SLC33A1: variants seen among roughly 807,000 people sequenced by gnomAD.
SLC33A1 encodes the protein acetyl-coenzyme A transporter 1.
Under a neutral mutation model 50.0 loss-of-function variants are expected in SLC33A1, and 20 were observed. The observed-to-expected ratio is 0.40, with a 90% confidence interval of 0.28 to 0.58. SLC33A1 has a LOEUF of 0.58. Ranked by LOEUF, SLC33A1 falls within the 20% of genes least tolerant of loss-of-function variation. The probability of loss-of-function intolerance (pLI) is 0.44; values close to 1 mark genes in which losing one functional copy is unlikely to be tolerated. For missense variants in SLC33A1, 476 were observed against 657.0 expected, an observed-to-expected ratio of 0.72 and a Z score of 3.01; for synonymous variants, 265 against 251.8, an observed-to-expected ratio of 1.05 and a Z score of -0.50.
At position 155,821,768 on chromosome 3, in the gene SLC33A1, ATTT is replaced by A. The variant is rs574504862; in HGVS notation, c.*6439_*6441del. 14,449 of 116,784 alleles carry A rather than the reference ATTT, an allele frequency of 0.12. 1,681 individuals are homozygous for A. Among genetic ancestry groups the A allele is most frequent in the African/African-American group, 0.28 (10,354 of 36,606 alleles). 7.2% of individuals were successfully genotyped at this position (116,784 alleles called of 1,614,324 possible). A position where few individuals can be genotyped will look rare whatever the true frequency, so the allele number is the denominator to read the frequency against. On this transcript the variant is annotated 3_prime_UTR_variant, in exon 6 of 6. Coordinates refer to ENST00000643144, the MANE Select transcript of SLC33A1 (RefSeq NM_004733.4). ...GACGTGAGCCACTGGACCCGGCCGC[ATTT>A]TTTTTTTTTTTTTTTAATTGAGACT...
intron 1 of SLC33A1, among the ~76,000 whole-genome samples, chr3:155,852,823 C>T (rs1412459273): frequency 1.3e-5 from 2 of 152,126 alleles, no homozygotes; most frequent in African/African-American, 4.8e-5. Flanking sequence ...CACTAGAAGG[C>T]TGGATTCTGG....
At position 155,830,588 on chromosome 3, in the gene SLC33A1, T is replaced by A. The variant is rs531684509; in HGVS notation, c.1267-685A>T. ...GAGAGATTAATTCTACCACAAGTAG[T>A]CAAGAAAGACTCCACGGAGAAAATG... is the stretch of plus-strand genomic sequence containing the variant. On this transcript the variant is annotated intron_variant, in intron 4 of 5. Transcript: ENST00000643144. Among the ~76,000 whole-genome samples the A allele has an allele frequency of 7.9e-5, 12 of 151,994 alleles. No individual in the cohort carries two copies. In the South Asian group the frequency reaches 2.5e-3, roughly 32 times the overall value.
intron 2 of SLC33A1, among the ~76,000 whole-genome samples, chr3:155,837,644 G>A (rs1346133776): frequency 6.6e-6 from 1 of 152,122 alleles, no homozygotes; most frequent in Non-Finnish European, 1.5e-5. Flanking sequence ...TGGATAAATT[G>A]TGGCATATCC....
At chr3:155,849,936 T>C (rs1441585596) in intron 1 of SLC33A1, among the ~76,000 whole-genome samples, 1 of 146,990 alleles carries the variant, frequency 6.8e-6, no homozygotes, top group Admixed American at 6.8e-5. Flanking sequence ...ATAATAATAA[T>C]AATAATAATA....
At chr3:155,829,987 C>A in intron 4 of SLC33A1, 84 bp from the exon 5 acceptor site, 1 of 878,312 alleles carries the variant, frequency 1.1e-6, no homozygotes. Flanking sequence ...AAGTCATAAA[C>A]CTGAAATTAA....
Position 155,834,036 on chromosome 3 carries a change from A to G in SLC33A1, c.969T>C (p.Gly323=), listed in dbSNP as rs762118446. 1 of 1,613,164 alleles carries G rather than the reference A, an allele frequency of 6.2e-7. No homozygotes were observed. The highest frequency in any genetic ancestry group is 2.2e-5 in the East Asian group (1 of 44,838). The part of the protein sequence containing the change: ...FCLLILTAKI[G]FSAADAVTGL... The stretch of plus-strand genomic sequence containing the variant: ...CTGTTACAGCATCTGCTGCTGAAAA[A>G]CCAATCTGCAATATAAAAACAAAAA... The change falls in exon 3 of 6, where the codon GGT becomes GGC. Residue 323 remains glycine, a synonymous_variant. Coordinates refer to ENST00000643144, the MANE Select transcript of SLC33A1 (RefSeq NM_004733.4).
Position 155,852,968 on chromosome 3 carries a change from T to G in SLC33A1, c.775+255A>C, listed in dbSNP as rs1753458433. On this transcript the variant is annotated intron_variant, in intron 1 of 5. Coordinates refer to ENST00000643144, the MANE Select transcript of SLC33A1 (RefSeq NM_004733.4). ...GCATTTGTGTATTAAGCAAGTGGCA[T>G]GAATCCCTGGACTCGGTTGTGTTAT... The G allele has an allele frequency of 1.1e-5, 6 of 546,840 alleles. No homozygotes were observed. The East Asian group carries it at 1.9e-4, about 17-fold the overall frequency. The allele number at this position is 546,840 out of a possible 1,614,324, so 33.9% of individuals were successfully genotyped here.
intron 2 of SLC33A1, among the ~76,000 whole-genome samples, chr3:155,835,158 T>A (rs1310260951): frequency 6.6e-6 from 1 of 152,190 alleles, no homozygotes; most frequent in Non-Finnish European, 1.5e-5. Flanking sequence ...TAAAAGTGCA[T>A]AATGTGTACA....
At chr3:155,849,934 A>G (rs986326491) in intron 1 of SLC33A1, among the ~76,000 whole-genome samples, 21 of 147,560 alleles carry the variant, frequency 1.4e-4, no homozygotes, top group African/African-American at 5.2e-4. Context: ...TAATAATAAT[A>G]ATAATAATAA....
At chr3:155,839,298 C>T (rs571716257) in intron 2 of SLC33A1, among the ~76,000 whole-genome samples, 15 of 59,612 alleles carry the variant, frequency 2.5e-4, no homozygotes, top group African/African-American at 9.2e-4. Flanking sequence ...GAAACTCCGC[C>T]TCAAAAAAAA....
intron 2 of SLC33A1, among the ~76,000 whole-genome samples, chr3:155,836,280 C>CAAAAAAAA (rs57460942): frequency 6.6e-4 from 18 of 27,164 alleles, no homozygotes; most frequent in Admixed American, 1.7e-3. Context: ...GAGACTCTGT[C>CAAAAAAAA]AAAAAAAAAA....
chr3:155,830,709 T>C (rs1752393092), intron 4 of SLC33A1, among the ~76,000 whole-genome samples: 1 of 152,088 alleles, frequency 6.6e-6, no homozygotes, highest in Non-Finnish European at 1.5e-5. Context: ...ATATTGCATG[T>C]GTATATATAC....
chr3:155,834,102 C>T, intron 2 of SLC33A1, 61 bp from the exon 3 acceptor site: 2 of 1,385,130 alleles, frequency 1.4e-6, no homozygotes, highest in South Asian at 2.4e-5. Flanking sequence ...TTCCTCCATG[C>T]ATATGTAAGT....
In SLC33A1 at chr3:155,829,485, C is replaced by T. The variant is rs382534; in HGVS notation, c.1482+203G>A. On this transcript the variant is annotated intron_variant, in intron 5 of 5. Coordinates refer to ENST00000643144, the MANE Select transcript of SLC33A1 (RefSeq NM_004733.4). ...AGATCGCCTCTCCTTTACTGAGAAACGCCTTTAAGGGAACTAGTCTTGCTG... is the reference window on the plus strand; with the variant it reads ...AGATCGCCTCTCCTTTACTGAGAAATGCCTTTAAGGGAACTAGTCTTGCTG... Among the ~76,000 whole-genome samples, 31,278 of 151,988 alleles carry T rather than the reference C, an allele frequency of 0.21. 3,773 individuals are homozygous for T. The highest frequency in any genetic ancestry group is 0.4 in the South Asian group (1,949 of 4,814).
Position 155,853,907 on chromosome 3 carries a change from G to A in SLC33A1, c.91C>T (p.Pro31Ser), listed in dbSNP as rs747645212. Residue 31 changes from proline (P) to serine (S), a missense_variant, in exon 1 of 6, where the codon CCG (proline) becomes TCG (serine). Transcript: ENST00000643144. ...TGACTGTCATCCCAACCGCCTGGCGGCAGGGGACCGCTCTTCATATCCAGA... is the reference window on the plus strand; with the variant it reads ...TGACTGTCATCCCAACCGCCTGGCGACAGGGGACCGCTCTTCATATCCAGA... ...HSLDMKSGPLPPGGWDDSHLD... is the reference protein window; with the variant it reads ...HSLDMKSGPLSPGGWDDSHLD... The A allele has an allele frequency of 9.1e-6, 14 of 1,544,452 alleles. No homozygotes were observed. Among genetic ancestry groups the A allele is most frequent in the Non-Finnish European group, 1.2e-5 (14 of 1,149,012 alleles).
intron 2 of SLC33A1, among the ~76,000 whole-genome samples, chr3:155,834,338 G>T (rs910065241): frequency 6.6e-6 from 1 of 151,856 alleles, no homozygotes; most frequent in South Asian, 2.1e-4. Flanking sequence ...TAGTAAACGG[G>T]GTCAAAAATC....
At chr3:155,828,896 G>GTTT (rs11355046) in intron 5 of SLC33A1, among the ~76,000 whole-genome samples, 27 of 128,754 alleles carry the variant, frequency 2.1e-4, no homozygotes, top group Admixed American at 1.6e-4. Context: ...AGCCGAATAT[G>GTTT]TTTTTTTTTT....
chr3:155,830,403 TAAAA>T (rs1277699049), intron 4 of SLC33A1, among the ~76,000 whole-genome samples: 56 of 149,958 alleles, frequency 3.7e-4, no homozygotes, highest in African/African-American at 1.2e-3. Flanking sequence ...AATAAATAAA[TAAAA>T]AAAAAGATCC....
In SLC33A1 at chr3:155,833,578, G is replaced by C; in HGVS notation, c.1156C>G (p.Leu386Val). 1 of 1,550,618 alleles carries C rather than the reference G, an allele frequency of 6.4e-7. No homozygotes were observed. Among genetic ancestry groups the C allele is most frequent in the Middle Eastern group, 1.7e-4 (1 of 5,970 alleles). Reference sequence around the variant, plus strand: ...ACCAGTAGGGCATATTCTAACCCAAGCAATAATCTATAGAGAAAGAAACAT... The same window carrying C: ...ACCAGTAGGGCATATTCTAACCCAACCAATAATCTATAGAGAAAGAAACAT... The part of the protein sequence containing the change: ...FYKAMPYRLL[L>V]GLEYALLVWW... Residue 386 changes from leucine (L) to valine (V), a missense_variant, in exon 4 of 6, where the codon CTT becomes GTT. Transcript: ENST00000643144.
Sources: gnomAD v4.1 joint callset for allele counts (sites outside exome capture counted in the v4.1 genomes callset) on GRCh38, gnomAD v4.1.1 for gene constraint, MANE v1.5 for transcripts, NCBI Gene and HGNC (gene_info 2026-07-23, HGNC 2026-07-21) for gene names.